DNAH10: variants seen among roughly 807,000 people sequenced by gnomAD.
DNAH10 encodes the protein axonemal beta dynein heavy chain 10.
DNAH10 carries 348 observed loss-of-function variants against 506.6 expected under a neutral mutation model. The ratio of observed to expected loss-of-function variants is 0.69; its 90% CI spans 0.63 to 0.75. The LOEUF (loss-of-function observed/expected upper bound fraction) is 0.75. Ranked by LOEUF, DNAH10 falls within the 30% of genes least tolerant of loss-of-function variation. DNAH10 has a pLI of 0.00. For missense variants in DNAH10, 5,179 were observed against 5,787.1 expected, an observed-to-expected ratio of 0.89 and a Z score of 3.41; for synonymous variants, 2,059 against 2,198.6, an observed-to-expected ratio of 0.94 and a Z score of 1.78.
chr12:123,834,576 G>GTGA (rs1960936048), intron 27 of DNAH10, among the ~76,000 whole-genome samples: 1 of 152,190 alleles, frequency 6.6e-6, no homozygotes, highest in Non-Finnish European at 1.5e-5. Context: ...GCACAATTCA[G>GTGA]TGACATTTAG....
intron 28 of DNAH10, among the ~76,000 whole-genome samples, chr12:123,837,454 C>A (rs78490750): frequency 6.6e-6 from 1 of 151,768 alleles, no homozygotes; most frequent in African/African-American, 2.4e-5. Flanking sequence ...AAAAAAATAC[C>A]TATAATCCCC....
chr12:123,771,681 G>T lies in DNAH10; in HGVS notation c.379G>T (p.Glu127Ter), dbSNP rs1957258336. The change falls in exon 3 of 79, where the codon GAA becomes TAA. Residue 127 changes from glutamate to a stop codon, truncating the protein, a stop_gained. Transcript: ENST00000673944. LOFTEE classifies it high-confidence loss of function. ...EDEEMDKEIS[E>*]KLPSKRTAKH... Reference sequence around the variant, plus strand: ...TGAAGAAATGGACAAAGAGATTTCAGAAAAACTCCCTTCCAAAGTAAGCAT... The same window carrying T: ...TGAAGAAATGGACAAAGAGATTTCATAAAAACTCCCTTCCAAAGTAAGCAT... 2 of 1,611,930 alleles carry T rather than the reference G, an allele frequency of 1.2e-6. No individual in the cohort carries two copies. The highest frequency in any genetic ancestry group is 1.7e-6 in the Non-Finnish European group (2 of 1,179,138).
At chr12:123,866,503 A>G (rs1951818193) in intron 41 of DNAH10, among the ~76,000 whole-genome samples, 2 of 152,034 alleles carry the variant, frequency 1.3e-5, no homozygotes, top group South Asian at 4.2e-4. Context: ...TCAGCCTCCC[A>G]AAGTGCTGGG....
chr12:123,778,279 TA>T (rs1957517780), intron 5 of DNAH10, among the ~76,000 whole-genome samples: 1 of 152,082 alleles, frequency 6.6e-6, no homozygotes, highest in Non-Finnish European at 1.5e-5. Context: ...TTATATGCAT[TA>T]TGACAACCAG....
chr12:123,812,943 T>C (rs991846701), intron 19 of DNAH10, among the ~76,000 whole-genome samples: 9 of 152,146 alleles, frequency 5.9e-5, no homozygotes, highest in Non-Finnish European at 1.0e-4. Context: ...CCCCTTTCCA[T>C]TGGTCAAGTT....
In DNAH10 at chr12:123,813,758, T is replaced by G; in HGVS notation, c.3626T>G (p.Leu1209Arg). 1 of 1,613,368 alleles carries G rather than the reference T, an allele frequency of 6.2e-7. No homozygotes were observed. The highest frequency in any genetic ancestry group is 8.5e-7 in the Non-Finnish European group (1 of 1,179,870). ...LYNLHEEMEH[L>R]AKNLRKIPNT... ...TCTTTGTACTTTCTGTTATAGCACC[T>G]GGCCAAAAACCTTAGGAAGATCCCC... Residue 1209 changes from leucine (L) to arginine (R), a missense_variant, in exon 21 of 79, where the codon CTG becomes CGG. Coordinates refer to ENST00000673944, the MANE Select transcript of DNAH10 (RefSeq NM_001372106.1).
In DNAH10 at chr12:123,871,616, C is replaced by G. The variant is rs778843110; in HGVS notation, c.7785+14C>G. ...GAAGAAACTAACGTAAGTCATTATTCATATGAATTATCTATTGCTGTGTAA... is the reference window on the plus strand; with the variant it reads ...GAAGAAACTAACGTAAGTCATTATTGATATGAATTATCTATTGCTGTGTAA... On this transcript the variant is annotated intron_variant, in intron 45 of 78. Coordinates refer to ENST00000673944, the MANE Select transcript of DNAH10 (RefSeq NM_001372106.1). 4.5e-5 allele frequency: 69 copies of G among 1,546,678 alleles called. No individual in the cohort carries two copies. The highest frequency in any genetic ancestry group is 5.7e-5 in the Non-Finnish European group (65 of 1,146,750).
chr12:123,857,279 G>A (rs776370780), intron 37 of DNAH10, 32 bp downstream of exon 37: 43 of 1,486,442 alleles, frequency 2.9e-5, no homozygotes, highest in Middle Eastern at 1.8e-4. Flanking sequence ...CACTGTGGCC[G>A]TGCATCCTTT....
chr12:123,892,650 G>A (rs990243168), intron 52 of DNAH10, among the ~76,000 whole-genome samples: 1 of 152,222 alleles, frequency 6.6e-6, no homozygotes, highest in Non-Finnish European at 1.5e-5. Flanking sequence ...TCCCTGCACA[G>A]GAGAACGTCA....
intron 59 of DNAH10, among the ~76,000 whole-genome samples, chr12:123,911,033 C>T (rs1467810424): frequency 6.6e-6 from 1 of 151,478 alleles, no homozygotes; most frequent in East Asian, 2.0e-4. Context: ...TAGTGAGACC[C>T]TGTCTCTACA....
chr12:123,813,579 T>C lies in DNAH10; in HGVS notation c.3560T>C (p.Leu1187Pro). The change falls in exon 20 of 79, where the codon CTT (leucine) becomes CCT (proline). Residue 1187 changes from leucine (L) to proline (P), a missense_variant. Physicochemically the swap from Leu to Pro is moderately conservative, Grantham distance 98. This residue lies in a region of DNAH10 where 4,844 missense variants were observed against 5,430.5 expected (regional missense o/e 0.89). Transcript: ENST00000673944. ...AATGCCAAGTCCTGGGTGATTTCGC[T>C]TGGAAAACTTCTCAATGAGTCAGCA... ...QENAKSWVIS[L>P]GKLLNESAKE... is the part of the protein sequence containing the mutation. 6.2e-7 allele frequency: 1 copy of C among 1,614,190 alleles called. No homozygotes were observed. Among genetic ancestry groups the C allele is most frequent in the Non-Finnish European group, 8.5e-7 (1 of 1,180,024 alleles).
chr12:123,871,464 A>T lies in DNAH10; in HGVS notation c.7647A>T (p.Thr2549=). 6.3e-7 allele frequency: 1 copy of T among 1,586,954 alleles called. No homozygotes were observed. Among genetic ancestry groups the T allele is most frequent in the Non-Finnish European group, 8.6e-7 (1 of 1,165,250 alleles). ...ERKFINILVH[T]VDTTRTTWIL... ...TCCTAATGTCTACTTTAGTTCACAC[A>T]GTGGATACCACTCGGACTACCTGGA... The change falls in exon 45 of 79, where the codon ACA becomes ACT. Residue 2549 remains threonine (T), a synonymous_variant. Coordinates refer to ENST00000673944, the MANE Select transcript of DNAH10 (RefSeq NM_001372106.1).
chr12:123,830,469 T>C, intron 25 of DNAH10, 77 bp from the exon 26 acceptor site: 1 of 1,405,440 alleles, frequency 7.1e-7, no homozygotes, highest in Non-Finnish European at 9.6e-7. Flanking sequence ...AGATTTGTCC[T>C]GTGATTTAAA....
At position 123,931,345 on chromosome 12, in the gene DNAH10, C is replaced by A; in HGVS notation, c.12789C>A (p.Ala4263=). The A allele has an allele frequency of 6.2e-7, 1 of 1,613,560 alleles. No individual in the cohort carries two copies. The highest frequency in any genetic ancestry group is 8.5e-7 in the Non-Finnish European group (1 of 1,179,856). Residue 4263 remains alanine (A), a synonymous_variant, in exon 74 of 79, where the codon GCC becomes GCA. Transcript: ENST00000673944. ...CGTTGTTCTCTGTGATTGCAGAAGC[C>A]ATCGAGGCCCTCCCGCTTGCCAACA... ...VGDEKEKFVE[A]IEALPLANTP...
At chr12:123,896,158 G>T (rs1175778553) in intron 54 of DNAH10, among the ~76,000 whole-genome samples, 95 of 110,298 alleles carry the variant, frequency 8.6e-4, no homozygotes, top group South Asian at 3.4e-3. Context: ...CAGAGAGAGA[G>T]AGAGAGAGAG....
chr12:123,808,341 A>C (rs1958791584), intron 18 of DNAH10, among the ~76,000 whole-genome samples: 1 of 151,938 alleles, frequency 6.6e-6, no homozygotes, highest in Non-Finnish European at 1.5e-5. Context: ...AGATGTTTTA[A>C]AATAGTGTCT....
At position 123,926,260 on chromosome 12, in the gene DNAH10, AAG is replaced by A. The variant is rs1954938625; in HGVS notation, c.11922-375_11922-374del. Among the ~76,000 whole-genome samples, 1 of 151,658 alleles carries A rather than the reference AAG, an allele frequency of 6.6e-6. No individual in the cohort carries two copies. Among genetic ancestry groups the A allele is most frequent in the Admixed American group, 6.6e-5 (1 of 15,252 alleles). On this transcript the variant is annotated intron_variant, in intron 68 of 78. Transcript: ENST00000673944. The surrounding 1 kb of genome is among the most constrained non-coding windows in gnomAD (Gnocchi z 4.1). Reference sequence around the variant, plus strand: ...TTTAAAAAAAAAAAAAAAAAAGAAAAAGAAAAAACCCACACACAAAACACAAA... The same window carrying A: ...TTTAAAAAAAAAAAAAAAAAAGAAAAAAAAAACCCACACACAAAACACAAA...
At chr12:123,819,464 C>T (rs988105910) in intron 23 of DNAH10, among the ~76,000 whole-genome samples, 2 of 151,372 alleles carry the variant, frequency 1.3e-5, no homozygotes, top group African/African-American at 2.4e-5. Flanking sequence ...GCCTGCTACC[C>T]GAAGGTGTTG....
intron 18 of DNAH10, among the ~76,000 whole-genome samples, chr12:123,805,777 T>C (rs1330905289): frequency 1.3e-5 from 2 of 150,764 alleles, no homozygotes; most frequent in East Asian, 1.9e-4. Flanking sequence ...TCTTTTCTTT[T>C]TTTTTTTTTT....
Sources: allele counts gnomAD v4.1 joint callset (sites outside exome capture counted in the v4.1 genomes callset), GRCh38; gene constraint gnomAD v4.1.1; regional missense constraint gnomAD v4.1.1; non-coding constraint Gnocchi (gnomAD v3.1); transcripts MANE v1.5; gene names NCBI Gene and HGNC (gene_info 2026-07-23, HGNC 2026-07-21).